The following CHRNB3 variants were observed in gnomAD, a reference collection of about 807,000 sequenced individuals.
CHRNB3 encodes the protein cholinergic receptor nicotinic beta 3 subunit.
CHRNB3 carries 37 observed loss-of-function variants against 40.6 expected under a neutral mutation model. That is an observed-to-expected ratio of 0.91 (90% CI 0.70 to 1.20). CHRNB3 has a LOEUF of 1.20. Among genes scored for constraint, CHRNB3 ranks in the 50% most tolerant of loss-of-function variants. CHRNB3 has a pLI of 0.00. For synonymous variants in CHRNB3, 207 were observed against 207.1 expected, an observed-to-expected ratio of 1.00 and a Z score of 0.00; for missense variants, 505 against 551.2, an observed-to-expected ratio of 0.92 and a Z score of 0.84.
rs2082765613 is a variant in CHRNB3, at chr8:42,731,529, C to G, written c.360-138C>G. The stretch of plus-strand genomic sequence containing the variant: ...GAGATGGCGCCACCGCACTCCAGCC[C>G]GGGCGATAGAGTGAGACTCCATCTC... On this transcript the variant is annotated intron_variant, in intron 4 of 5. Transcript: ENST00000289957. 8 of 976,446 alleles carry G rather than the reference C, an allele frequency of 8.2e-6. 1 individual carries two copies. In the South Asian group the frequency reaches 1.5e-4, roughly 18 times the overall value. The allele number at this position is 976,446 out of a possible 1,614,324, so 60.5% of individuals were successfully genotyped here. A position where few individuals can be genotyped will look rare whatever the true frequency, so the allele number is the denominator to read the frequency against.
chr8:42,720,196 G>A (rs555143807), intron 3 of CHRNB3, among the ~76,000 whole-genome samples: 6 of 127,522 alleles, frequency 4.7e-5, no homozygotes, highest in Non-Finnish European at 7.9e-5. Flanking sequence ...GCACGATCTC[G>A]GCTCCGCCTC....
chr8:42,714,350 A>C (rs1816065781), intron 3 of CHRNB3, among the ~76,000 whole-genome samples: 1 of 151,818 alleles, frequency 6.6e-6, no homozygotes, highest in Non-Finnish European at 1.5e-5. Context: ...AAAATAAAAA[A>C]AATTAGCCAG....
chr8:42,729,393 G>C (rs554244305), intron 3 of CHRNB3, among the ~76,000 whole-genome samples: 1 of 152,228 alleles, frequency 6.6e-6, no homozygotes, highest in African/African-American at 2.4e-5. Context: ...CTGGGCAACA[G>C]AGCGAGACTC....
chr8:42,706,501 G>A (rs1815924902), intron 1 of CHRNB3, among the ~76,000 whole-genome samples: 1 of 152,152 alleles, frequency 6.6e-6, no homozygotes, highest in African/African-American at 2.4e-5. Context: ...CCTCAGCGTG[G>A]CCCCGGTGGA....
At chr8:42,710,156 C>G (rs541879490) in intron 2 of CHRNB3, among the ~76,000 whole-genome samples, 1 of 152,128 alleles carries the variant, frequency 6.6e-6, no homozygotes, top group Non-Finnish European at 1.5e-5. Flanking sequence ...TTTTTCTGAT[C>G]GAAACCAAAC....
chr8:42,716,110 G>A (rs1027768154), intron 3 of CHRNB3, among the ~76,000 whole-genome samples: 1 of 151,680 alleles, frequency 6.6e-6, no homozygotes, highest in Non-Finnish European at 1.5e-5. Flanking sequence ...CGAGTAGCTG[G>A]GATTAAAGGC....
At chr8:42,724,933 A>C (rs1184834525) in intron 3 of CHRNB3, among the ~76,000 whole-genome samples, 5 of 151,982 alleles carry the variant, frequency 3.3e-5, no homozygotes, top group Non-Finnish European at 7.4e-5. Flanking sequence ...CAGTGAGCCA[A>C]GACTGTGCCA....
chr8:42,715,976 CTTTTTTTTTTT>C (rs34401500), intron 3 of CHRNB3, among the ~76,000 whole-genome samples: 1 of 124,176 alleles, frequency 8.1e-6, no homozygotes, highest in African/African-American at 2.9e-5. Context: ...TTAAACTGAC[CTTTTTTTTTTT>C]TTTTTTTTTG....
rs553669493 is a variant in CHRNB3, at chr8:42,734,309, C to T, written c.1242+1760C>T. ...GTGATCTGTTGCCTAAAGCAAGTTA[C>T]ATATTTTCAATTTATATGAGAACTT... On this transcript the variant is annotated intron_variant, in intron 5 of 5. Transcript: ENST00000289957. Among the ~76,000 whole-genome samples, 103 of 142,322 alleles carry T rather than the reference C, an allele frequency of 7.2e-4. 3 individuals carry two copies. The highest frequency in any genetic ancestry group is 1.4e-3 in the South Asian group (6 of 4,280). The allele number at this position is 142,322 out of a possible 152,430, so 93.4% of individuals were successfully genotyped here. A position where few individuals can be genotyped will look rare whatever the true frequency, so the allele number is the denominator to read the frequency against.
chr8:42,725,642 G>A (rs963092175), intron 3 of CHRNB3: 25 of 1,122,912 alleles, frequency 2.2e-5, no homozygotes, highest in Non-Finnish European at 3.3e-5. Context: ...GTAGCATGAC[G>A]GGCCACTGAG....
At chr8:42,707,133 G>A (rs1333461656) in intron 1 of CHRNB3, among the ~76,000 whole-genome samples, 1 of 152,186 alleles carries the variant, frequency 6.6e-6, no homozygotes, top group East Asian at 1.9e-4. Flanking sequence ...TTATGTGGAG[G>A]AAAATGGGGC....
chr8:42,730,445 A>T (rs1186773793), intron 3 of CHRNB3, 149 bp from the exon 4 acceptor site: 1 of 497,108 alleles, frequency 2.0e-6, no homozygotes, highest in African/African-American at 2.0e-5. Flanking sequence ...TCCTGTACTG[A>T]GTCCCCAGTA....
chr8:42,701,159 C>T (rs1253285927), intron 1 of CHRNB3, among the ~76,000 whole-genome samples: 19 of 134,536 alleles, frequency 1.4e-4, no homozygotes, highest in African/African-American at 4.5e-4. Flanking sequence ...ACCAGGGAGT[C>T]GGAGGTTGCA....
intron 1 of CHRNB3, among the ~76,000 whole-genome samples, chr8:42,698,819 TTCCC>T (rs1815725077): frequency 6.6e-6 from 1 of 152,228 alleles, no homozygotes; most frequent in African/African-American, 2.4e-5. Context: ...TACCACTCTT[TTCCC>T]AAGGAATGAT....
chr8:42,728,285 G>A (rs1454829592), intron 3 of CHRNB3, among the ~76,000 whole-genome samples: 1 of 152,122 alleles, frequency 6.6e-6, no homozygotes, highest in Non-Finnish European at 1.5e-5. Context: ...CTACACTTTG[G>A]GAGGTGAGGC....
intron 3 of CHRNB3, among the ~76,000 whole-genome samples, chr8:42,717,031 A>T (rs1816120507): frequency 6.6e-6 from 1 of 152,088 alleles, no homozygotes; most frequent in African/African-American, 2.4e-5. Context: ...TTCAGCAAAC[A>T]TGAAGGTCTT....
At chr8:42,708,192 C>G (rs148491299) in intron 1 of CHRNB3, among the ~76,000 whole-genome samples, 1,688 of 152,208 alleles carry the variant, frequency 0.011, 34 homozygotes, top group African/African-American at 0.039. Context: ...CTGGGCCGGG[C>G]GTGGTGGCTC....
At chr8:42,718,746 A>G (rs76729252) in intron 3 of CHRNB3, among the ~76,000 whole-genome samples, 8,636 of 151,666 alleles carry the variant, frequency 0.057, 332 homozygotes, top group Middle Eastern at 0.11. Context: ...AAAGCCTTAC[A>G]ATTTAGGTTT....
intron 1 of CHRNB3, among the ~76,000 whole-genome samples, chr8:42,703,339 G>C (rs931788962): frequency 2.7e-5 from 4 of 149,940 alleles, no homozygotes; most frequent in African/African-American, 9.7e-5. Flanking sequence ...CATGAGAATT[G>C]CTTGAACCCA....
Sources: gnomAD v4.1 joint callset for allele counts (sites outside exome capture counted in the v4.1 genomes callset) on GRCh38, gnomAD v4.1.1 for gene constraint, MANE v1.5 for transcripts, NCBI Gene and HGNC (gene_info 2026-07-23, HGNC 2026-07-21) for gene names.